The following PCDHGA11 variants were observed in gnomAD, a reference collection of about 807,000 sequenced individuals.
PCDHGA11 encodes the protein protocadherin gamma-A11.
In PCDHGA11, 39 loss-of-function variants were observed where a neutral mutation model predicts 60.4. The observed-to-expected ratio is 0.65, with a 90% confidence interval of 0.50 to 0.84. PCDHGA11 has a LOEUF of 0.84. Ranked by LOEUF, PCDHGA11 falls within the 40% of genes least tolerant of loss-of-function variation. The probability of loss-of-function intolerance (pLI) is 0.00; values close to 1 mark genes in which losing one functional copy is unlikely to be tolerated. For synonymous variants in PCDHGA11, 533 were observed against 510.3 expected (o/e 1.04, Z -0.60); for missense variants, 1,165 against 1,197.7 (o/e 0.97, Z 0.40).
chr5:141,502,037 C>T (rs2154593041), intron 2 of PCDHGA11, among the ~76,000 whole-genome samples: 1 of 152,302 alleles, frequency 6.6e-6, no homozygotes, highest in East Asian at 1.9e-4. Context: ...CGCCGCTTGC[C>T]TGCTCTCCCT....
chr5:141,426,491 G>A, intron 1 of PCDHGA11: 1 of 336,822 alleles, frequency 3.0e-6, no homozygotes, highest in South Asian at 2.4e-5. Flanking sequence ...CTTAGAGTTA[G>A]TGCAGAGAAA....
chr5:141,460,511 A>G (rs533913282), intron 1 of PCDHGA11, among the ~76,000 whole-genome samples: 2 of 152,286 alleles, frequency 1.3e-5, no homozygotes, highest in Admixed American at 1.3e-4. Context: ...TGAGAAGGCT[A>G]TCTTTTCCCC....
At chr5:141,504,476 A>G (rs998883721) in intron 2 of PCDHGA11, among the ~76,000 whole-genome samples, 4 of 152,016 alleles carry the variant, frequency 2.6e-5, no homozygotes, top group African/African-American at 9.7e-5. Context: ...GGATGGGAGT[A>G]CAGTGGAGGC....
Position 141,432,632 on chromosome 5 carries a change from G to T in PCDHGA11, c.2433+8972G>T. ...CTTCTCGGTGGGTCTGCACACGGGCGAGGTGCGCACGGCGCGAGCCCTGCT... is the reference window on the plus strand; with the variant it reads ...CTTCTCGGTGGGTCTGCACACGGGCTAGGTGCGCACGGCGCGAGCCCTGCT... On this transcript the variant is annotated intron_variant, in intron 1 of 3. Transcript: ENST00000398587. This position sits in a 1 kb window ranked among gnomAD's most constrained non-coding sequence, Gnocchi z 6.0. The T allele has an allele frequency of 6.2e-7, 1 of 1,612,834 alleles. No homozygotes were observed. Among genetic ancestry groups the T allele is most frequent in the South Asian group, 1.1e-5 (1 of 90,976 alleles).
At position 141,431,110 on chromosome 5, in the gene PCDHGA11, T is replaced by G; in HGVS notation, c.2433+7450T>G. 1.2e-6 allele frequency: 2 copies of G among 1,614,168 alleles called. No individual in the cohort carries two copies. The highest frequency in any genetic ancestry group is 1.7e-6 in the Non-Finnish European group (2 of 1,180,012). On this transcript the variant is annotated intron_variant, in intron 1 of 3. Transcript: ENST00000398587. This position sits in a 1 kb window ranked among gnomAD's most constrained non-coding sequence, Gnocchi z 4.8. Reference sequence around the variant, plus strand: ...TGATGGAGGATAAAGTGAAAATATATGGAGTAGAAGTAGAAGTAAGGGACA... The same window carrying G: ...TGATGGAGGATAAAGTGAAAATATAGGGAGTAGAAGTAGAAGTAAGGGACA...
chr5:141,465,366 A>G (rs2099102089), intron 1 of PCDHGA11, among the ~76,000 whole-genome samples: 1 of 152,154 alleles, frequency 6.6e-6, no homozygotes, highest in Non-Finnish European at 1.5e-5. Flanking sequence ...GGTGCCCTTT[A>G]AAGTTGTAAG....
In PCDHGA11 at chr5:141,486,819, T is replaced by TG; in HGVS notation, c.2434-7988_2434-7987insG. 6.2e-7 allele frequency: 1 copy of TG among 1,614,212 alleles called. No homozygotes were observed. Among genetic ancestry groups the TG allele is most frequent in the Non-Finnish European group, 8.5e-7 (1 of 1,180,034 alleles). On this transcript the variant is annotated intron_variant, in intron 1 of 3. Coordinates refer to ENST00000398587, the MANE Select transcript of PCDHGA11 (RefSeq NM_018914.3). The surrounding 1 kb of genome is among the most constrained non-coding windows in gnomAD (Gnocchi z 5.0). ...GGCAACCCACCCCTTAGCAGCACTG[T>TG]AACAGTTCGTCTATTTGTGCTGGAC...
At position 141,423,418 on chromosome 5, in the gene PCDHGA11, G is replaced by T. The variant is rs1236092057; in HGVS notation, c.2191G>T (p.Gly731Cys). Residue 731 changes from glycine (G) to cysteine (C), a missense_variant, in exon 1 of 4, where the codon GGC becomes TGC. By Grantham distance (159) the Gly-to-Cys change is radical. Transcript: ENST00000398587. ...HKSRLLQASE[G>C]GLAGMPTSHF... ...GTCACGCCTGCTGCAGGCTTCTGAAGGCGGGTTGGCAGGTATGCCCACGTC... is the reference window on the plus strand; with the variant it reads ...GTCACGCCTGCTGCAGGCTTCTGAATGCGGGTTGGCAGGTATGCCCACGTC... 1.2e-6 allele frequency: 2 copies of T among 1,614,022 alleles called. No individual in the cohort carries two copies. Among genetic ancestry groups the T allele is most frequent in the South Asian group, 1.1e-5 (1 of 91,088 alleles).
At chr5:141,457,940 T>G (rs541807221) in intron 1 of PCDHGA11, among the ~76,000 whole-genome samples, 2 of 152,356 alleles carry the variant, frequency 1.3e-5, no homozygotes, top group East Asian at 3.9e-4. Flanking sequence ...TTTTATTGGC[T>G]CTGCATGTCA....
At position 141,426,001 on chromosome 5, in the gene PCDHGA11, T is replaced by C. The variant is rs553657872; in HGVS notation, c.2433+2341T>C. Among the ~76,000 whole-genome samples, 3 of 152,318 alleles carry C rather than the reference T, an allele frequency of 2.0e-5. No individual in the cohort carries two copies. In the South Asian group the frequency reaches 6.2e-4, roughly 32 times the overall value. The stretch of plus-strand genomic sequence containing the variant: ...TGAATCCCATTGAATTAGCAAAGGC[T>C]TCCGGCTGCAGTTTTCTAAATAGAC... On this transcript the variant is annotated intron_variant, in intron 1 of 3. Transcript: ENST00000398587.
chr5:141,469,314 C>T (rs982242861), intron 1 of PCDHGA11, among the ~76,000 whole-genome samples: 3 of 152,100 alleles, frequency 2.0e-5, no homozygotes, highest in Admixed American at 1.3e-4. Context: ...CGATGGCTCA[C>T]GCCTGTAATC....
At chr5:141,481,323 C>T (rs539518691) in intron 1 of PCDHGA11, among the ~76,000 whole-genome samples, 1 of 152,284 alleles carries the variant, frequency 6.6e-6, no homozygotes, top group Non-Finnish European at 1.5e-5. Flanking sequence ...AAAGCACTAG[C>T]CCCTGGACAA....
chr5:141,425,207 G>A lies in PCDHGA11; in HGVS notation c.2433+1547G>A, dbSNP rs546494803. 1.8e-3 allele frequency among the ~76,000 whole-genome samples: 281 copies of A among 152,238 alleles called. 1 individual carries two copies. The highest frequency in any genetic ancestry group is 6.6e-3 in the African/African-American group (274 of 41,534). ...TCCAAACTGAGAAAAATGATGTAAG[G>A]CATTGTACTTTGACTGGAATTAGTT... On this transcript the variant is annotated intron_variant, in intron 1 of 3. Coordinates refer to ENST00000398587, the MANE Select transcript of PCDHGA11 (RefSeq NM_018914.3).
At chr5:141,488,239 G>A (rs576918071) in intron 1 of PCDHGA11, among the ~76,000 whole-genome samples, 3 of 152,222 alleles carry the variant, frequency 2.0e-5, no homozygotes, top group South Asian at 4.1e-4. Context: ...AACTAGATGC[G>A]GTAAATTGGA....
chr5:141,437,478 T>G (rs942305423), intron 1 of PCDHGA11, among the ~76,000 whole-genome samples: 2 of 152,210 alleles, frequency 1.3e-5, no homozygotes, highest in African/African-American at 2.4e-5. Flanking sequence ...TATAGCATAT[T>G]TAATCTCGTA....
At chr5:141,508,295 G>C (rs989632251) in intron 3 of PCDHGA11, 5 of 152,202 alleles carry the variant, frequency 3.3e-5, no homozygotes, top group Non-Finnish European at 7.3e-5. Context: ...TGGGCCTTGG[G>C]GGGAGTGGGG....
At chr5:141,475,866 C>T in intron 1 of PCDHGA11, 1 of 504,862 alleles carries the variant, frequency 2.0e-6, no homozygotes, top group South Asian at 2.9e-5. Context: ...GCTCATTCTT[C>T]GTGCAGTTAT....
In PCDHGA11 at chr5:141,491,359, G is replaced by C. The variant is rs764159829; in HGVS notation, c.2434-3448G>C. 3 of 1,614,154 alleles carry C rather than the reference G, an allele frequency of 1.9e-6. No homozygotes were observed. In the East Asian group the frequency reaches 6.7e-5, roughly 36 times the overall value. On this transcript the variant is annotated intron_variant, in intron 1 of 3. Coordinates refer to ENST00000398587, the MANE Select transcript of PCDHGA11 (RefSeq NM_018914.3). This position sits in a 1 kb window ranked among gnomAD's most constrained non-coding sequence, Gnocchi z 6.9. ...AGCGACCGTCAGTCTCTTATCCCTA[G>C]TCACCTTCACCTTTCTGTCAGCGAA...
At chr5:141,483,816 A>G (rs2099587505) in intron 1 of PCDHGA11, among the ~76,000 whole-genome samples, 1 of 152,172 alleles carries the variant, frequency 6.6e-6, no homozygotes, top group Admixed American at 6.5e-5. Context: ...TTTGGCAGCC[A>G]GTGTAACCTA....
Sources: allele counts gnomAD v4.1 joint callset (sites outside exome capture counted in the v4.1 genomes callset), GRCh38; gene constraint gnomAD v4.1.1; non-coding constraint Gnocchi (gnomAD v3.1); transcripts MANE v1.5; gene names NCBI Gene and HGNC (gene_info 2026-07-23, HGNC 2026-07-21).